Variants in PLEKHA4 observed in about 807,000 individuals in gnomAD.
PLEKHA4 encodes the protein pleckstrin homology domain-containing family A member 4.
In PLEKHA4, 73 loss-of-function variants were observed where a neutral mutation model predicts 94.7. That is an observed-to-expected ratio of 0.77 (90% CI 0.64 to 0.94). The LOEUF (loss-of-function observed/expected upper bound fraction) is 0.94. Ranked by LOEUF, PLEKHA4 falls within the 40% of genes least tolerant of loss-of-function variation. The pLI is 0.00. For missense variants in PLEKHA4, 1,049 were observed against 1,054.1 expected, an observed-to-expected ratio of 1.00 and a Z score of 0.07; for synonymous variants, 449 against 437.1, an observed-to-expected ratio of 1.03 and a Z score of -0.34.
intron 13 of PLEKHA4, among the ~76,000 whole-genome samples, chr19:48,848,970 G>A (rs540309033): frequency 6.6e-6 from 1 of 152,178 alleles, no homozygotes; most frequent in Admixed American, 6.6e-5. Context: ...CTTGATCATA[G>A]CTCACTGCAT....
At chr19:48,849,850 T>C (rs1212674242) in intron 13 of PLEKHA4, among the ~76,000 whole-genome samples, 1 of 152,154 alleles carries the variant, frequency 6.6e-6, no homozygotes, top group Non-Finnish European at 1.5e-5. Context: ...GGTGAGAGCA[T>C]GGCTTCAACA....
chr19:48,853,892 A>G, intron 11 of PLEKHA4, 61 bp from the exon 12 acceptor site: 1 of 1,589,476 alleles, frequency 6.3e-7, no homozygotes, highest in South Asian at 1.1e-5. Context: ...AGAAGAAAGA[A>G]AAGATGTCCT....
rs1193985171 is a variant in PLEKHA4, at chr19:48,857,486, C to A, written c.983G>T (p.Gly328Val). 3 of 1,554,862 alleles carry A rather than the reference C, an allele frequency of 1.9e-6. No homozygotes were observed. Among genetic ancestry groups the A allele is most frequent in the Admixed American group, 1.9e-5 (1 of 52,256 alleles). Residue 328 changes from glycine (G) to valine (V), a missense_variant, in exon 9 of 20, where the codon GGC becomes GTC. By Grantham distance (109) the Gly-to-Val change is moderately radical. Coordinates refer to ENST00000263265, the MANE Select transcript of PLEKHA4 (RefSeq NM_020904.3). ...SQEPRTQAHS[G>V]SPTYLQLPPR... The stretch of plus-strand genomic sequence containing the variant: ...GGGGAGCTGGAGATAAGTGGGGGAG[C>A]CAGAGTGTGCCTGGGAGGAACGTTG...
intron 3 of PLEKHA4, among the ~76,000 whole-genome samples, chr19:48,862,254 G>A (rs2123151186): frequency 6.8e-6 from 1 of 146,324 alleles, no homozygotes; most frequent in Admixed American, 7.0e-5. Context: ...AAGCTGGAGA[G>A]CAGTGGCATG....
intron 6 of PLEKHA4, 72 bp downstream of exon 6, chr19:48,860,278 A>G: frequency 7.5e-7 from 1 of 1,340,712 alleles, no homozygotes; most frequent in Non-Finnish European, 1.1e-6. Flanking sequence ...CAGGGCCCCA[A>G]AGGGGAGGAG....
Position 48,860,406 on chromosome 19 carries a change from GTCT to G in PLEKHA4, c.417_419del (p.Glu139del), listed in dbSNP as rs2036590387. ...CCAGCGCCCGTAGCCAGCCCCGCAGGTCTTCTAAGGTGTCAGCGGCCAAAACGT... is the reference window on the plus strand; with the variant it reads ...CCAGCGCCCGTAGCCAGCCCCGCAGGTCTAAGGTGTCAGCGGCCAAAACGT... On this transcript the variant is annotated inframe_deletion, in exon 6 of 20. Transcript: ENST00000263265. 6.2e-7 allele frequency: 1 copy of G among 1,614,138 alleles called. No homozygotes were observed. The highest frequency in any genetic ancestry group is 1.7e-5 in the Admixed American group (1 of 60,006).
Position 48,858,934 on chromosome 19 carries a change from C to T in PLEKHA4, c.898G>A (p.Gly300Arg). Residue 300 changes from glycine to arginine, a missense_variant, in exon 8 of 20, where the codon GGA becomes AGA. By Grantham distance (125) the Gly-to-Arg change is moderately radical. Coordinates refer to ENST00000263265, the MANE Select transcript of PLEKHA4 (RefSeq NM_020904.3). ...CCTCCCCCAGCCTCAGAGGGAGGTC[C>T]TCGGCGGGGAGTAGGGGGTCGGGAG... ...TLSRPPTPRR[G>R]PPSEAGGGKP... 6.2e-7 allele frequency: 1 copy of T among 1,601,006 alleles called. No individual in the cohort carries two copies. The highest frequency in any genetic ancestry group is 8.5e-7 in the Non-Finnish European group (1 of 1,176,114).
intron 13 of PLEKHA4, among the ~76,000 whole-genome samples, chr19:48,849,920 C>T (rs1449500355): frequency 1.3e-5 from 2 of 152,102 alleles, no homozygotes; most frequent in Non-Finnish European, 2.9e-5. Flanking sequence ...GGTATTAAAA[C>T]GAAAGGCATT....
intron 8 of PLEKHA4, 55 bp downstream of exon 8, chr19:48,858,805 C>T: frequency 6.3e-7 from 1 of 1,598,260 alleles, no homozygotes; most frequent in Non-Finnish European, 8.6e-7. Context: ...TACGGAAAGA[C>T]AGCCCTGAGG....
intron 17 of PLEKHA4, 50 bp downstream of exon 17, chr19:48,841,099 A>C: frequency 6.5e-7 from 1 of 1,539,140 alleles, no homozygotes; most frequent in South Asian, 1.2e-5. Flanking sequence ...AAGTAGGCGA[A>C]GAGGACCTAC....
intron 5 of PLEKHA4, among the ~76,000 whole-genome samples, chr19:48,861,180 C>G (rs969886156): frequency 6.6e-6 from 1 of 152,186 alleles, no homozygotes; most frequent in African/African-American, 2.4e-5. Context: ...TGCACTCCAG[C>G]CTGGGTGACA....
At position 48,861,277 on chromosome 19, in the gene PLEKHA4, C is replaced by T. The variant is rs539706911; in HGVS notation, c.366+124G>A. ...AGGATGCAATTGACGCTTGTCAAGA[C>T]CTTTTATCTCCAGTAATGGATATTC... is the stretch of plus-strand genomic sequence containing the variant. On this transcript the variant is annotated intron_variant, in intron 5 of 19. Transcript: ENST00000263265. 21 of 845,196 alleles carry T rather than the reference C, an allele frequency of 2.5e-5. No individual in the cohort carries two copies. The African/African-American group carries it at 3.1e-4, about 13-fold the overall frequency. 52.4% of individuals were successfully genotyped at this position (845,196 alleles called of 1,614,324 possible).
intron 5 of PLEKHA4, among the ~76,000 whole-genome samples, chr19:48,860,809 GAGAA>G (rs1377954481): frequency 6.9e-5 from 10 of 145,688 alleles, no homozygotes; most frequent in Non-Finnish European, 1.4e-4. Context: ...AGGGAAGGGA[GAGAA>G]AGAAAGAGAG....
rs2036586259 is a variant in PLEKHA4, at chr19:48,860,336, G to C, written c.476+14C>G. On this transcript the variant is annotated intron_variant, in intron 6 of 19. Coordinates refer to ENST00000263265, the MANE Select transcript of PLEKHA4 (RefSeq NM_020904.3). ...GGGTGGAGGGTCAGGAGCATGGCTT[G>C]GACCTCTACTCACTAGTCGTCCCCC... The C allele has an allele frequency of 1.2e-6, 2 of 1,603,702 alleles. No individual in the cohort carries two copies. The highest frequency in any genetic ancestry group is 2.2e-5 in the South Asian group (2 of 90,890).
intron 9 of PLEKHA4, among the ~76,000 whole-genome samples, chr19:48,856,898 C>CAAAAAAAAAAA (rs1315657736): frequency 3.7e-4 from 13 of 35,430 alleles, no homozygotes; most frequent in East Asian, 7.1e-4. Context: ...GACCCCGTCT[C>CAAAAAAAAAAA]AAAAAAAAAA....
chr19:48,850,570 C>G (rs997776944), intron 13 of PLEKHA4, among the ~76,000 whole-genome samples: 3 of 152,088 alleles, frequency 2.0e-5, no homozygotes, highest in African/African-American at 7.2e-5. Context: ...GTAATCTCAG[C>G]ACTTTGGGAA....
intron 16 of PLEKHA4, among the ~76,000 whole-genome samples, chr19:48,843,731 C>T (rs1402013471): frequency 6.6e-6 from 1 of 152,044 alleles, no homozygotes; most frequent in Non-Finnish European, 1.5e-5. Context: ...AGTATCAGCT[C>T]ACTGCAATCT....
In PLEKHA4 at chr19:48,857,354, A is replaced by G. The variant is rs1599911205; in HGVS notation, c.1047+68T>C. On this transcript the variant is annotated intron_variant, in intron 9 of 19. Coordinates refer to ENST00000263265, the MANE Select transcript of PLEKHA4 (RefSeq NM_020904.3). ...TCTAGGCACCCTAGGCCAAGAGATG[A>G]CATTCCTCATAGAGAAGAAAGGAAG... 4 of 694,178 alleles carry G rather than the reference A, an allele frequency of 5.8e-6. No individual in the cohort carries two copies. In the East Asian group the frequency reaches 8.2e-5, roughly 14 times the overall value. The allele number at this position is 694,178 out of a possible 1,614,324, so 43.0% of individuals were successfully genotyped here.
At chr19:48,841,627 A>AAT (rs60459653) in intron 16 of PLEKHA4, among the ~76,000 whole-genome samples, 19,073 of 147,580 alleles carry the variant, frequency 0.13, 1,311 homozygotes, top group Middle Eastern at 0.16. Context: ...CTCTGTCTCA[A>AAT]ATATATATAT....
Sources: gnomAD v4.1 joint callset for allele counts (sites outside exome capture counted in the v4.1 genomes callset) on GRCh38, gnomAD v4.1.1 for gene constraint, MANE v1.5 for transcripts, NCBI Gene and HGNC (gene_info 2026-07-23, HGNC 2026-07-21) for gene names.